The following NEDD4L variants were observed in gnomAD, a reference collection of about 807,000 sequenced individuals.
NEDD4L encodes E3 ubiquitin-protein ligase NEDD4-like.
In NEDD4L, 54 loss-of-function variants were observed where a neutral mutation model predicts 148.9. That is an observed-to-expected ratio of 0.36 (90% CI 0.29 to 0.45). The LOEUF is 0.45. Ranked by LOEUF, NEDD4L falls within the 20% of genes least tolerant of loss-of-function variation. The pLI, the probability that NEDD4L is intolerant of heterozygous loss-of-function variation, is 1.00. For missense variants in NEDD4L, 856 were observed against 1,233.8 expected (o/e 0.69, Z 4.59); for synonymous variants, 433 against 440.7 (o/e 0.98, Z 0.22).
intron 6 of NEDD4L, among the ~76,000 whole-genome samples, chr18:58,320,748 G>A (rs564201538): frequency 6.6e-6 from 1 of 152,306 alleles, no homozygotes; most frequent in South Asian, 2.1e-4. Context: ...CCAGGAAGTT[G>A]AGGCTGCAGT....
At chr18:58,179,362 G>C (rs544929701) in intron 2 of NEDD4L, among the ~76,000 whole-genome samples, 25 of 152,270 alleles carry the variant, frequency 1.6e-4, no homozygotes, top group African/African-American at 6.0e-4. Flanking sequence ...GGAATCATCT[G>C]TCTCCGTGAT....
intron 1 of NEDD4L, among the ~76,000 whole-genome samples, chr18:58,059,091 C>CT (rs2082212243): frequency 6.6e-6 from 1 of 152,310 alleles, no homozygotes; most frequent in East Asian, 1.9e-4. Flanking sequence ...CTATTTTCTT[C>CT]TTCTTTCTTT....
chr18:58,333,728 A>G (rs1320820367), intron 11 of NEDD4L, 90 bp from the exon 12 acceptor site: 2 of 851,056 alleles, frequency 2.4e-6, no homozygotes, highest in Non-Finnish European at 4.0e-6. Flanking sequence ...AGAGCGGTGA[A>G]TATGGTTGAG....
intron 1 of NEDD4L, among the ~76,000 whole-genome samples, chr18:58,106,453 G>A (rs1490538625): frequency 2.6e-5 from 4 of 152,168 alleles, no homozygotes; most frequent in South Asian, 2.1e-4. Context: ...AGAGTCTCCC[G>A]AGTGCTAGGT....
chr18:58,252,159 A>ATG, intron 5 of NEDD4L, 105 bp downstream of exon 5: 1 of 749,504 alleles, frequency 1.3e-6, no homozygotes. Flanking sequence ...AGGACAGTAT[A>ATG]TGTGCCCAAA....
At chr18:58,173,324 C>T (rs1490614478) in intron 2 of NEDD4L, among the ~76,000 whole-genome samples, 1 of 152,224 alleles carries the variant, frequency 6.6e-6, no homozygotes, top group African/African-American at 2.4e-5. Flanking sequence ...GACAAACCAA[C>T]TGTAGAATCT....
At chr18:58,295,047 C>T (rs2055355870) in intron 5 of NEDD4L, among the ~76,000 whole-genome samples, 3 of 152,182 alleles carry the variant, frequency 2.0e-5, no homozygotes, top group Admixed American at 6.5e-5. Context: ...GGCACAGCCT[C>T]CCTCATCATC....
At chr18:58,340,088 C>A (rs1311388523) in intron 13 of NEDD4L, among the ~76,000 whole-genome samples, 1 of 152,168 alleles carries the variant, frequency 6.6e-6, no homozygotes, top group African/African-American at 2.4e-5. Flanking sequence ...GGTTTCTGAG[C>A]TTTTCCCCAC....
chr18:58,081,039 T>A (rs1166822094), intron 1 of NEDD4L, among the ~76,000 whole-genome samples: 1 of 152,050 alleles, frequency 6.6e-6, no homozygotes, highest in Non-Finnish European at 1.5e-5. Context: ...TATGATAATG[T>A]TACAGTAACA....
At chr18:58,096,734 T>TA (rs1345128096) in intron 1 of NEDD4L, among the ~76,000 whole-genome samples, 28 of 152,234 alleles carry the variant, frequency 1.8e-4, no homozygotes, top group African/African-American at 5.5e-4. Context: ...AGTTTTGTTT[T>TA]TAAAAAAGAA....
At chr18:58,090,960 C>G (rs929708472) in intron 1 of NEDD4L, 1 of 152,214 alleles carries the variant, frequency 6.6e-6, no homozygotes, top group Non-Finnish European at 1.5e-5. Flanking sequence ...CAGGAAGTAC[C>G]TTATAGCTGA....
chr18:58,208,185 G>A lies in NEDD4L; in HGVS notation c.123-37242G>A, dbSNP rs183193335. Among the ~76,000 whole-genome samples the A allele has an allele frequency of 4.6e-5, 7 of 152,244 alleles. No homozygotes were observed. In the East Asian group the frequency reaches 1.3e-3, roughly 29 times the overall value. ...TTTTATTCACTGGGATTCACTCGGG[G>A]GAAAGTATTCAGGAACAAAGTGACA... On this transcript the variant is annotated intron_variant, in intron 2 of 30. Coordinates refer to ENST00000400345, the MANE Select transcript of NEDD4L (RefSeq NM_001144967.3).
intron 1 of NEDD4L, among the ~76,000 whole-genome samples, chr18:58,063,177 C>T (rs535283713): frequency 6.6e-6 from 1 of 151,236 alleles, no homozygotes; most frequent in African/African-American, 2.4e-5. Flanking sequence ...TCCCAAGCAG[C>T]TGGGACTACA....
At chr18:58,266,181 C>T (rs993067350) in intron 5 of NEDD4L, among the ~76,000 whole-genome samples, 2 of 151,848 alleles carry the variant, frequency 1.3e-5, no homozygotes, top group Non-Finnish European at 1.5e-5. Context: ...TAATGTTGAT[C>T]GGATCTGCAA....
chr18:58,206,806 G>A (rs1014919345), intron 2 of NEDD4L, among the ~76,000 whole-genome samples: 1 of 152,172 alleles, frequency 6.6e-6, no homozygotes, highest in African/African-American at 2.4e-5. Flanking sequence ...CCTGTTCCTT[G>A]ACCTCATTGG....
intron 1 of NEDD4L, among the ~76,000 whole-genome samples, chr18:58,070,400 G>A (rs1159403693): frequency 6.6e-6 from 1 of 152,000 alleles, no homozygotes; most frequent in South Asian, 2.1e-4. Flanking sequence ...TCCCAAGTAG[G>A]TGGGAACACA....
At chr18:58,167,115 C>T (rs2036944523) in intron 2 of NEDD4L, among the ~76,000 whole-genome samples, 1 of 152,212 alleles carries the variant, frequency 6.6e-6, no homozygotes, top group African/African-American at 2.4e-5. Flanking sequence ...CCTCAAGTGA[C>T]TAATGGAGGC....
At chr18:58,122,008 C>A (rs191821244) in intron 1 of NEDD4L, among the ~76,000 whole-genome samples, 3 of 152,296 alleles carry the variant, frequency 2.0e-5, no homozygotes, top group Admixed American at 2.0e-4. Context: ...TGAGAAATTT[C>A]AACTCGTTCT....
intron 16 of NEDD4L, among the ~76,000 whole-genome samples, chr18:58,349,170 C>T (rs10871754): frequency 0.28 from 42,603 of 151,950 alleles, 6,103 homozygotes; most frequent in Middle Eastern, 0.39. Context: ...GGAGAGATTT[C>T]GAAACCGTTG....
Sources: gnomAD v4.1 joint callset for allele counts (sites outside exome capture counted in the v4.1 genomes callset) on GRCh38, gnomAD v4.1.1 for gene constraint, MANE v1.5 for transcripts, NCBI Gene and HGNC (gene_info 2026-07-23, HGNC 2026-07-21) for gene names.